Variants in KIAA0753 observed in about 807,000 individuals in gnomAD.
The protein encoded by KIAA0753 is KIAA0753, also known as protein moonraker.
In KIAA0753, 114 loss-of-function variants were observed where a neutral mutation model predicts 116.9. The ratio of observed to expected loss-of-function variants is 0.98; its 90% CI spans 0.84 to 1.14. The LOEUF (loss-of-function observed/expected upper bound fraction) is 1.14. Ranked by LOEUF, KIAA0753 falls within the 50% of genes most tolerant of loss-of-function variation. The pLI is 0.00. For synonymous variants in KIAA0753, 405 were observed against 413.1 expected (o/e 0.98, Z 0.24); for missense variants, 1,156 against 1,172.4 (o/e 0.99, Z 0.20).
At chr17:6,636,819 A>G (rs1280927288) in intron 1 of KIAA0753, 2 of 146,130 alleles carry the variant, frequency 1.4e-5, no homozygotes, top group South Asian at 2.3e-4. Context: ...CCCCCACATA[A>G]CTCTCTCCCA....
chr17:6,582,007 A>C (rs1213618238), intron 18 of KIAA0753, among the ~76,000 whole-genome samples: 1 of 152,176 alleles, frequency 6.6e-6, no homozygotes, highest in African/African-American at 2.4e-5. Flanking sequence ...GGGTGTGCTC[A>C]CTGCTACTGG....
At chr17:6,618,913 A>G (rs4796527) in intron 7 of KIAA0753, among the ~76,000 whole-genome samples, 49,628 of 152,100 alleles carry the variant, frequency 0.33, 8,558 homozygotes, top group Admixed American at 0.4. Flanking sequence ...GATTGAATAT[A>G]GAACTCTTAA....
rs1312192111 is a variant in KIAA0753, at chr17:6,579,184, C to G, written c.*563G>C. Reference sequence around the variant, plus strand: ...ATTGTGCACTGACAGCCAGGGGGCTCCTGTTTGGAATAAACTGCAGCAGAG... The same window carrying G: ...ATTGTGCACTGACAGCCAGGGGGCTGCTGTTTGGAATAAACTGCAGCAGAG... On this transcript the variant is annotated 3_prime_UTR_variant, in exon 19 of 19. Transcript: ENST00000361413. 2 of 152,310 alleles carry G rather than the reference C, an allele frequency of 1.3e-5. No individual in the cohort carries two copies. Among genetic ancestry groups the G allele is most frequent in the Admixed American group, 6.5e-5 (1 of 15,292 alleles). 9.4% of individuals were successfully genotyped at this position (152,310 alleles called of 1,614,324 possible).
chr17:6,621,217 T>C (rs531697772), intron 6 of KIAA0753, among the ~76,000 whole-genome samples: 8 of 152,312 alleles, frequency 5.3e-5, no homozygotes, highest in African/African-American at 1.9e-4. Context: ...CTAAAGCCAA[T>C]AGCAAAGACA....
intron 7 of KIAA0753, among the ~76,000 whole-genome samples, chr17:6,615,669 T>A (rs1327863560): frequency 1.3e-5 from 2 of 150,720 alleles, no homozygotes; most frequent in Non-Finnish European, 3.0e-5. Context: ...GTAATTTATT[T>A]AACTCCCAAG....
Position 6,628,137 on chromosome 17 carries a change from A to C in KIAA0753, c.698T>G (p.Ile233Ser). The C allele has an allele frequency of 6.2e-7, 1 of 1,609,360 alleles. No homozygotes were observed. Among genetic ancestry groups the C allele is most frequent in the South Asian group, 1.1e-5 (1 of 90,172 alleles). ...QKELSSCIHK[I>S]EEVTKKDRLE... The stretch of plus-strand genomic sequence containing the variant: ...CTCACCTTTTTTAGTTACCTCTTCA[A>C]TTTTGTGGATACAACTGCTCAGTTC... The change falls in exon 3 of 19, where the codon ATT becomes AGT. Residue 233 changes from isoleucine to serine, a missense_variant. Coordinates refer to ENST00000361413, the MANE Select transcript of KIAA0753 (RefSeq NM_014804.3).
intron 7 of KIAA0753, among the ~76,000 whole-genome samples, chr17:6,618,913 A>C (rs4796527): frequency 1.3e-5 from 2 of 152,058 alleles, no homozygotes; most frequent in African/African-American, 4.8e-5. Flanking sequence ...GATTGAATAT[A>C]GAACTCTTAA....
intron 9 of KIAA0753, 63 bp downstream of exon 9, chr17:6,609,930 AC>A: frequency 1.3e-6 from 2 of 1,556,802 alleles, no homozygotes; most frequent in African/African-American, 1.4e-5. Context: ...GCTACAGGTC[AC>A]CTTTGATATA....
intron 4 of KIAA0753, 176 bp from the exon 5 acceptor site, chr17:6,623,747 A>T: frequency 1.2e-6 from 1 of 800,352 alleles, no homozygotes; most frequent in Non-Finnish European, 1.8e-6. Context: ...ACTGGTTTCC[A>T]GTTCAAGATA....
At chr17:6,624,716 CA>C in intron 4 of KIAA0753, 38 bp downstream of exon 4, 1 of 1,346,576 alleles carries the variant, frequency 7.4e-7, no homozygotes. Flanking sequence ...AAGCAGTACA[CA>C]AGGCTGACTG....
chr17:6,587,708 G>A (rs1373083954), intron 18 of KIAA0753, among the ~76,000 whole-genome samples: 2 of 152,170 alleles, frequency 1.3e-5, no homozygotes, highest in African/African-American at 4.8e-5. Context: ...ACTTTGAAGG[G>A]TACTATCATA....
Position 6,628,463 on chromosome 17 carries a change from A to T in KIAA0753, c.372T>A (p.Ser124Arg). 6.2e-7 allele frequency: 1 copy of T among 1,614,160 alleles called. No individual in the cohort carries two copies. Residue 124 changes from serine to arginine, a missense_variant, in exon 3 of 19, where the codon AGT becomes AGA. Coordinates refer to ENST00000361413, the MANE Select transcript of KIAA0753 (RefSeq NM_014804.3). ...CACACTTCTGAGAGCTTTGAGGCTG[A>T]CTTCTGAGATGATGTTCTTTTATAT... ...EKHIKEHHLR[S>R]QPQSSQKCGH...
intron 8 of KIAA0753, among the ~76,000 whole-genome samples, 194 bp from the exon 9 acceptor site, chr17:6,610,354 G>T (rs1405249396): frequency 6.6e-6 from 1 of 150,424 alleles, no homozygotes; most frequent in Non-Finnish European, 1.5e-5. Flanking sequence ...AGGGGCGGGG[G>T]GTGGAGGGTG....
intron 17 of KIAA0753, 135 bp downstream of exon 17, chr17:6,590,375 C>T: frequency 3.1e-6 from 3 of 978,452 alleles, no homozygotes; most frequent in South Asian, 3.2e-5. Flanking sequence ...ATTTACTCAG[C>T]CATCTTGGAG....
chr17:6,625,210 A>G (rs1971586418), intron 3 of KIAA0753, among the ~76,000 whole-genome samples: 1 of 152,188 alleles, frequency 6.6e-6, no homozygotes. Flanking sequence ...TTTTTCAAAA[A>G]CTTTTTATTG....
rs1403164656 is a variant in KIAA0753, at chr17:6,639,674, G to A, written c.-69+963C>T. 3 of 152,956 alleles carry A rather than the reference G, an allele frequency of 2.0e-5. No homozygotes were observed. In the East Asian group the frequency reaches 5.8e-4, roughly 30 times the overall value. 9.5% of individuals were successfully genotyped at this position (152,956 alleles called of 1,614,324 possible). ...ACCCAGGGCCCTGTAAGACCGCCGC[G>A]GCTTGTCTCTACCCAGGAAGCTCGG... On this transcript the variant is annotated intron_variant, in intron 1 of 18. Coordinates refer to ENST00000361413, the MANE Select transcript of KIAA0753 (RefSeq NM_014804.3). This position sits in a 1 kb window ranked among gnomAD's most constrained non-coding sequence, Gnocchi z 4.3.
At chr17:6,582,906 G>A (rs948189135) in intron 18 of KIAA0753, among the ~76,000 whole-genome samples, 1 of 152,126 alleles carries the variant, frequency 6.6e-6, no homozygotes, top group Non-Finnish European at 1.5e-5. Context: ...ACATACTATT[G>A]TTACTGTATA....
At chr17:6,613,324 T>C (rs1970676088) in intron 7 of KIAA0753, among the ~76,000 whole-genome samples, 1 of 152,148 alleles carries the variant, frequency 6.6e-6, no homozygotes, top group Non-Finnish European at 1.5e-5. Context: ...GAAAAGACCA[T>C]AAAGATGTCA....
chr17:6,612,505 A>G (rs1191103990), intron 7 of KIAA0753, among the ~76,000 whole-genome samples: 1 of 152,160 alleles, frequency 6.6e-6, no homozygotes, highest in Non-Finnish European at 1.5e-5. Context: ...GTGTCTCCTA[A>G]CTGATCTCCT....
Sources: gnomAD v4.1 joint callset for allele counts (sites outside exome capture counted in the v4.1 genomes callset) on GRCh38, gnomAD v4.1.1 for gene constraint, Gnocchi (gnomAD v3.1) non-coding constraint, MANE v1.5 for transcripts, NCBI Gene and HGNC (gene_info 2026-07-23, HGNC 2026-07-21) for gene names.